Variants in PLXNA4 observed in about 807,000 individuals in gnomAD.
The protein encoded by PLXNA4 is plexin-A4.
A neutral mutation model predicts 191.8 loss-of-function variants in PLXNA4; 44 were observed. The observed-to-expected ratio is 0.23, with a 90% CI of 0.18 to 0.29. PLXNA4 has a LOEUF of 0.29. PLXNA4 is among the 10% of genes least tolerant of loss of function. The pLI is 1.00. For missense variants in PLXNA4, 1,800 were observed against 2,488.8 expected, an observed-to-expected ratio of 0.72 and a Z score of 5.89; for synonymous variants, 1,082 against 1,009.5, an observed-to-expected ratio of 1.07 and a Z score of -1.36.
chr7:132,335,351 C>T (rs1433528436), intron 3 of PLXNA4, among the ~76,000 whole-genome samples: 2 of 152,306 alleles, frequency 1.3e-5, no homozygotes, highest in East Asian at 3.9e-4. Flanking sequence ...TTAATGACTG[C>T]TAAAATCTAT....
intron 3 of PLXNA4, among the ~76,000 whole-genome samples, chr7:132,349,122 A>G (rs968886915): frequency 2.0e-5 from 3 of 152,206 alleles, no homozygotes; most frequent in Non-Finnish European, 4.4e-5. Context: ...GAAGTAAAGG[A>G]CCACATGTTT....
At chr7:132,313,732 A>G (rs987257655) in intron 3 of PLXNA4, among the ~76,000 whole-genome samples, 4 of 152,134 alleles carry the variant, frequency 2.6e-5, no homozygotes, top group Non-Finnish European at 5.9e-5. Flanking sequence ...GCAGAAAGTC[A>G]TTGCTTAGGA....
chr7:132,283,912 T>C (rs1430070500), intron 4 of PLXNA4, among the ~76,000 whole-genome samples: 1 of 152,254 alleles, frequency 6.6e-6, no homozygotes, highest in African/African-American at 2.4e-5. Context: ...GAGTGGCTCA[T>C]GCCTGTAATC....
intron 9 of PLXNA4, among the ~76,000 whole-genome samples, chr7:132,220,027 C>T (rs757157508): frequency 3.9e-5 from 6 of 152,196 alleles, no homozygotes; most frequent in Non-Finnish European, 5.9e-5. Flanking sequence ...TCTCAGAGGG[C>T]ATCCCCAACA....
intron 3 of PLXNA4, among the ~76,000 whole-genome samples, chr7:132,375,295 C>A (rs780878796): frequency 2.0e-5 from 3 of 151,990 alleles, no homozygotes; most frequent in East Asian, 3.9e-4. Flanking sequence ...CCCCCCCACG[C>A]CCCAGCCCTC....
chr7:132,614,291 A>G (rs1803109230), intron 2 of PLXNA4, among the ~76,000 whole-genome samples: 1 of 152,230 alleles, frequency 6.6e-6, no homozygotes, highest in African/African-American at 2.4e-5. Context: ...TAAAAATCCA[A>G]TGTGTGATTG....
At chr7:132,177,196 T>C (rs1030745785) in intron 20 of PLXNA4, among the ~76,000 whole-genome samples, 1 of 152,096 alleles carries the variant, frequency 6.6e-6, no homozygotes, top group Non-Finnish European at 1.5e-5. Context: ...TGTGCATGCA[T>C]GTGTGCATGT....
rs554440102 is a variant in PLXNA4 at position 132,225,783 on chromosome 7, T to A, written c.1982+378A>T. The stretch of plus-strand genomic sequence containing the variant: ...CCTCCTCAGTTCCCTTCTCTGCCCA[T>A]GGAGCTTGCTCTCTGTTCTTCATGT... On this transcript the variant is annotated intron_variant, in intron 8 of 31. Transcript: ENST00000321063. Among the ~76,000 whole-genome samples the A allele has an allele frequency of 2.0e-5, 3 of 152,310 alleles. No homozygotes were observed. The South Asian group carries it at 6.2e-4, about 32-fold the overall frequency.
chr7:132,541,841 G>A (rs902938934), intron 1 of PLXNA4, among the ~76,000 whole-genome samples: 12 of 152,206 alleles, frequency 7.9e-5, no homozygotes, highest in South Asian at 2.1e-4. Context: ...TAACAGATCC[G>A]CAGGCATTTA....
At chr7:132,586,369 G>A (rs1049378090) in intron 2 of PLXNA4, among the ~76,000 whole-genome samples, 1 of 152,184 alleles carries the variant, frequency 6.6e-6, no homozygotes, top group Non-Finnish European at 1.5e-5. Context: ...GGCATTTTGG[G>A]TGTTGACGGG....
chr7:132,334,497 A>G (rs1389378287), intron 3 of PLXNA4, among the ~76,000 whole-genome samples: 1 of 151,314 alleles, frequency 6.6e-6, no homozygotes, highest in African/African-American at 2.4e-5. Flanking sequence ...GCCCCAAGAG[A>G]CCTTCCCTCC....
intron 3 of PLXNA4, among the ~76,000 whole-genome samples, chr7:132,355,472 G>A (rs996281720): frequency 6.6e-6 from 1 of 152,186 alleles, no homozygotes; most frequent in South Asian, 2.1e-4. Flanking sequence ...CACTGGCTGT[G>A]AGCAAAAAGT....
At chr7:132,336,536 A>G (rs1802824284) in intron 3 of PLXNA4, among the ~76,000 whole-genome samples, 1 of 152,160 alleles carries the variant, frequency 6.6e-6, no homozygotes, top group Non-Finnish European at 1.5e-5. Flanking sequence ...TCCAGAACAG[A>G]AGAGTTTTCC....
intron 5 of PLXNA4, 78 bp from the exon 6 acceptor site, chr7:132,228,547 T>C: frequency 6.4e-7 from 1 of 1,572,940 alleles, no homozygotes; most frequent in Non-Finnish European, 8.7e-7. Context: ...GGTCAGGTGT[T>C]TCCAGCAGCT....
rs547406914 is a variant in PLXNA4, at chr7:132,127,789, C to T, written c.*2690G>A. ...CAGAAAATTTGTCTGTCCTTGTCTC[C>T]TCTTTCTTCCTAACCTTTCTATTTC... is the stretch of plus-strand genomic sequence containing the variant. On this transcript the variant is annotated 3_prime_UTR_variant, in exon 32 of 32. Transcript: ENST00000321063. 6.7e-4 allele frequency: 96 copies of T among 142,570 alleles called. No individual in the cohort carries two copies. Among genetic ancestry groups the T allele is most frequent in the African/African-American group, 2.9e-3 (93 of 32,348 alleles). The allele number at this position is 142,570 out of a possible 1,614,324, so 8.8% of individuals were successfully genotyped here.
intron 3 of PLXNA4, among the ~76,000 whole-genome samples, chr7:132,300,054 T>C (rs1210698788): frequency 2.0e-5 from 3 of 152,204 alleles, no homozygotes; most frequent in Non-Finnish European, 1.5e-5. Flanking sequence ...CTGCCTGACA[T>C]TGGGACTTCC....
chr7:132,132,473 C>CTTT (rs1563048405), intron 31 of PLXNA4, among the ~76,000 whole-genome samples: 1 of 53,054 alleles, frequency 1.9e-5, no homozygotes, highest in Admixed American at 2.3e-4. Context: ...TTCTGCTCTG[C>CTTT]TCTGCTCTGC....
chr7:132,500,049 G>A (rs156952), intron 2 of PLXNA4, among the ~76,000 whole-genome samples: 149,887 of 152,318 alleles, frequency 0.98, 73,786 homozygotes, highest in Middle Eastern at 1. Context: ...AACAAGCCTG[G>A]TGTGGTGATG....
chr7:132,257,483 T>C (rs1799473570), intron 4 of PLXNA4, among the ~76,000 whole-genome samples: 1 of 152,230 alleles, frequency 6.6e-6, no homozygotes, highest in Non-Finnish European at 1.5e-5. Flanking sequence ...CTGGTATGTC[T>C]GACTTCATGA....
Sources: allele counts gnomAD v4.1 joint callset (sites outside exome capture counted in the v4.1 genomes callset), GRCh38; gene constraint gnomAD v4.1.1; transcripts MANE v1.5; gene names NCBI Gene and HGNC (gene_info 2026-07-23, HGNC 2026-07-21).